SPTA1: variants seen among roughly 807,000 people sequenced by gnomAD.
SPTA1 encodes the protein spectrin alpha chain, erythrocytic 1.
A neutral mutation model predicts 324.7 loss-of-function variants in SPTA1; 177 were observed. That is an observed-to-expected ratio of 0.55 (90% CI 0.48 to 0.62). The LOEUF is 0.62. SPTA1 is among the 20% of genes least tolerant of loss of function. The pLI is 0.00. For synonymous variants in SPTA1, 1,195 were observed against 1,041.3 expected (o/e 1.15, Z -2.84); for missense variants, 3,162 against 2,883.6 (o/e 1.10, Z -2.21).
At chr1:158,683,628 G>T in intron 2 of SPTA1, 132 bp from the exon 3 acceptor site, 1 of 1,173,394 alleles carries the variant, frequency 8.5e-7, no homozygotes, top group Non-Finnish European at 1.2e-6. Flanking sequence ...GTATTTTCCT[G>T]TCCCCACTGG....
Position 158,662,922 on chromosome 1 carries a change from G to C in SPTA1, c.2244C>G (p.Asp748Glu). 6.2e-7 allele frequency: 1 copy of C among 1,614,052 alleles called. No individual in the cohort carries two copies. Among genetic ancestry groups the C allele is most frequent in the Non-Finnish European group, 8.5e-7 (1 of 1,179,962 alleles). ...ARQDQVDILT[D>E]LAAYFEEIGH... ...CTATTTCTTCAAAATATGCAGCCAG[G>C]TCTGTAAGGATATCCACCTGATCCT... is the stretch of plus-strand genomic sequence containing the variant. Residue 748 changes from aspartate (D) to glutamate (E), a missense_variant, in exon 17 of 52, where the codon GAC becomes GAG. Coordinates refer to ENST00000643759, the MANE Select transcript of SPTA1 (RefSeq NM_003126.4).
intron 40 of SPTA1, 141 bp from the exon 41 acceptor site, chr1:158,627,148 G>A: frequency 9.8e-7 from 1 of 1,016,292 alleles, no homozygotes; most frequent in Non-Finnish European, 1.5e-6. Context: ...TAAGTTTCTA[G>A]GAGGTAGGGA....
intron 4 of SPTA1, among the ~76,000 whole-genome samples, chr1:158,681,225 ATAGG>A (rs1198634287): frequency 6.6e-6 from 1 of 152,158 alleles, no homozygotes; most frequent in Non-Finnish European, 1.5e-5. Flanking sequence ...GAGCAAAAAC[ATAGG>A]AGAAGGAGTT....
chr1:158,683,239 C>T, intron 3 of SPTA1, 132 bp downstream of exon 3: 1 of 1,298,100 alleles, frequency 7.7e-7, no homozygotes, highest in East Asian at 2.3e-5. Flanking sequence ...TATGCCTCAA[C>T]CCCAGGGGAA....
chr1:158,683,300 T>G, intron 3 of SPTA1, 71 bp downstream of exon 3: 1 of 1,604,448 alleles, frequency 6.2e-7, no homozygotes, highest in Non-Finnish European at 8.5e-7. Context: ...GGTTTATATC[T>G]CATATAATCA....
intron 47 of SPTA1, among the ~76,000 whole-genome samples, chr1:158,616,165 T>C (rs368019090): frequency 6.6e-6 from 1 of 152,292 alleles, no homozygotes; most frequent in East Asian, 1.9e-4. Context: ...ACAAGACAAT[T>C]TAATACATTC....
chr1:158,649,738 G>T, intron 25 of SPTA1, 118 bp downstream of exon 25: 2 of 831,130 alleles, frequency 2.4e-6, no homozygotes, highest in Non-Finnish European at 2.0e-6. Context: ...TTTTCTATTG[G>T]CACATTGTCT....
chr1:158,661,269 A>C lies in SPTA1; in HGVS notation c.2587+18T>G, dbSNP rs1488176937. 3 of 1,613,700 alleles carry C rather than the reference A, an allele frequency of 1.9e-6. No individual in the cohort carries two copies. The Admixed American group carries it at 5.0e-5, about 27-fold the overall frequency. ...GGCCTGGTGATGTTTTGTCCAACTGAATCTCAATCATACATACCTTCCTCT... is the reference window on the plus strand; with the variant it reads ...GGCCTGGTGATGTTTTGTCCAACTGCATCTCAATCATACATACCTTCCTCT... On this transcript the variant is annotated intron_variant, in intron 18 of 51. Coordinates refer to ENST00000643759, the MANE Select transcript of SPTA1 (RefSeq NM_003126.4).
At position 158,636,729 on chromosome 1, in the gene SPTA1, T is replaced by C. The variant is rs774141948; in HGVS notation, c.5222A>G (p.Tyr1741Cys). The change falls in exon 37 of 52, where the codon TAT (tyrosine) becomes TGT (cysteine). Residue 1741 changes from tyrosine (Y) to cysteine (C), a missense_variant. By Grantham distance (194) the Tyr-to-Cys change is radical (BLOSUM62 -2). Coordinates refer to ENST00000643759, the MANE Select transcript of SPTA1 (RefSeq NM_003126.4). ...CTGAACCCCCTGAAGATCTCTCCCA[T>C]AGTCCTGGGAGCTCACTCGTATCAA... ...EKLIRVSSQD[Y>C]GRDLQGVQNL... 7 of 1,614,052 alleles carry C rather than the reference T, an allele frequency of 4.3e-6. No homozygotes were observed. The South Asian group carries it at 5.5e-5, about 13-fold the overall frequency.
intron 45 of SPTA1, among the ~76,000 whole-genome samples, chr1:158,618,751 C>T (rs1428855596): frequency 6.6e-6 from 1 of 152,116 alleles, no homozygotes; most frequent in Non-Finnish European, 1.5e-5. Context: ...TCTGGTTATG[C>T]CAGTAAATAT....
At chr1:158,634,163 T>C (rs1357749009) in intron 39 of SPTA1, among the ~76,000 whole-genome samples, 1 of 152,218 alleles carries the variant, frequency 6.6e-6, no homozygotes, top group Non-Finnish European at 1.5e-5. Flanking sequence ...GCAGCCAATG[T>C]CCAGACATAA....
Position 158,667,930 on chromosome 1 carries a change from C to T in SPTA1, c.1966G>A (p.Asp656Asn). 6.2e-7 allele frequency: 1 copy of T among 1,614,078 alleles called. No homozygotes were observed. ...EMIEGGHYAS[D>N]NVTTRLSEVA... ...TCACTCAGACGAGTGGTCACATTGT[C>T]AGAGGCATAGTGACCACCCTCAATC... is the stretch of plus-strand genomic sequence containing the variant. Residue 656 changes from aspartate (D) to asparagine (N), a missense_variant, in exon 15 of 52, where the codon GAC becomes AAC. Asp to Asn is a conservative substitution (Grantham distance 23, BLOSUM62 1). Coordinates refer to ENST00000643759, the MANE Select transcript of SPTA1 (RefSeq NM_003126.4).
chr1:158,649,712 C>T lies in SPTA1; in HGVS notation c.3569+144G>A, dbSNP rs1030979419. The T allele has an allele frequency of 5.7e-6, 4 of 706,240 alleles. No homozygotes were observed. The Admixed American group carries it at 6.9e-5, about 12-fold the overall frequency. The allele number at this position is 706,240 out of a possible 1,614,324, so 43.7% of individuals were successfully genotyped here. On this transcript the variant is annotated intron_variant, in intron 25 of 51. Transcript: ENST00000643759. ...TCCTGTTTGTGAAGTGAGAATCATA[C>T]TACTAAAAAACCTAATTTTCTATTG...
At chr1:158,643,087 T>A in intron 31 of SPTA1, 111 bp from the exon 32 acceptor site, 2 of 1,450,640 alleles carry the variant, frequency 1.4e-6, no homozygotes. Flanking sequence ...TCTCACATAG[T>A]CTTATTATTT....
intron 39 of SPTA1, among the ~76,000 whole-genome samples, chr1:158,632,230 G>A (rs929228142): frequency 6.6e-6 from 1 of 152,080 alleles, no homozygotes; most frequent in African/African-American, 2.4e-5. Flanking sequence ...ACCTATATGA[G>A]GTAGACAAAT....
chr1:158,621,929 A>T (rs895508597), intron 43 of SPTA1, among the ~76,000 whole-genome samples: 5 of 152,162 alleles, frequency 3.3e-5, no homozygotes, highest in African/African-American at 2.4e-5. Flanking sequence ...AGTGGCCGCG[A>T]TCTGGGCTCA....
At chr1:158,646,081 T>C (rs1651978633) in intron 27 of SPTA1, among the ~76,000 whole-genome samples, 1 of 152,216 alleles carries the variant, frequency 6.6e-6, no homozygotes. Flanking sequence ...CTTACTTTTA[T>C]TCTCAAGTGA....
intron 38 of SPTA1, among the ~76,000 whole-genome samples, chr1:158,635,634 C>A (rs906766717): frequency 1.2e-4 from 19 of 152,078 alleles, no homozygotes; most frequent in Non-Finnish European, 2.6e-4. Context: ...GGCTAATAAC[C>A]TGATATGAAG....
At chr1:158,681,247 A>G (rs796766079) in intron 4 of SPTA1, among the ~76,000 whole-genome samples, 4 of 152,258 alleles carry the variant, frequency 2.6e-5, no homozygotes, top group African/African-American at 7.2e-5. Context: ...GTTAAAAATC[A>G]TGGAAGTGGA....
Sources: allele counts gnomAD v4.1 joint callset (sites outside exome capture counted in the v4.1 genomes callset), GRCh38; gene constraint gnomAD v4.1.1; transcripts MANE v1.5; gene names NCBI Gene and HGNC (gene_info 2026-07-23, HGNC 2026-07-21).